The following EXOC1 variants were observed in gnomAD, a reference collection of about 807,000 sequenced individuals.
EXOC1 encodes SEC3-like 1.
EXOC1 carries 67 observed loss-of-function variants against 107.7 expected under a neutral mutation model. The ratio of observed to expected loss-of-function variants is 0.62; its 90% CI spans 0.51 to 0.76. The LOEUF is 0.76. Among genes scored for constraint, EXOC1 ranks in the 30% least tolerant of loss-of-function variants. The probability of loss-of-function intolerance (pLI) is 0.00; values close to 1 mark genes in which losing one functional copy is unlikely to be tolerated. For missense variants in EXOC1, 833 were observed against 1,055.7 expected (o/e 0.79, Z 2.92); for synonymous variants, 348 against 353.5 (o/e 0.98, Z 0.17).
intron 14 of EXOC1, among the ~76,000 whole-genome samples, 184 bp from the exon 15 acceptor site, chr4:55,893,368 C>T (rs1354934350): frequency 6.6e-6 from 1 of 152,150 alleles, no homozygotes; most frequent in African/African-American, 2.4e-5. Context: ...GACCTGCACA[C>T]CTTGGCCTCT....
rs145636368 is a variant in EXOC1 at position 55,875,175 on chromosome 4, A to G, written c.1075-2742A>G. ...AGTTTAGAAATTTTTCTCTCAACAT[A>G]CATATACAGAAACAAGCTATAATAA... On this transcript the variant is annotated intron_variant, in intron 8 of 18. Coordinates refer to ENST00000381295, the MANE Select transcript of EXOC1 (RefSeq NM_001024924.2). 4.0e-3 allele frequency among the ~76,000 whole-genome samples: 606 copies of G among 152,316 alleles called. 5 individuals are homozygous for G. Among genetic ancestry groups the G allele is most frequent in the African/African-American group, 0.014 (581 of 41,574 alleles).
intron 18 of EXOC1, among the ~76,000 whole-genome samples, chr4:55,903,055 G>T (rs976419352): frequency 6.6e-6 from 1 of 150,802 alleles, no homozygotes; most frequent in African/African-American, 2.4e-5. Context: ...GAGGCAGGAG[G>T]ATCACTTGAG....
At chr4:55,876,398 C>G (rs1722896980) in intron 8 of EXOC1, 1 of 750,192 alleles carries the variant, frequency 1.3e-6, no homozygotes, top group South Asian at 6.1e-5. Flanking sequence ...AGTATATATA[C>G]TGTATATTAT....
At chr4:55,888,033 T>C (rs559946476) in intron 10 of EXOC1, among the ~76,000 whole-genome samples, 1 of 152,350 alleles carries the variant, frequency 6.6e-6, no homozygotes, top group South Asian at 2.1e-4. Flanking sequence ...TTTGCTGTTT[T>C]AAAGATATTT....
intron 4 of EXOC1, among the ~76,000 whole-genome samples, chr4:55,865,968 T>C (rs965933902): frequency 4.6e-5 from 7 of 152,194 alleles, no homozygotes; most frequent in Non-Finnish European, 1.0e-4. Context: ...AATCACTTGC[T>C]ATATACGTCA....
At chr4:55,885,775 A>G (rs1723817801) in intron 10 of EXOC1, 2 of 152,208 alleles carry the variant, frequency 1.3e-5, no homozygotes, top group Admixed American at 1.3e-4. Context: ...GGAGAATAAA[A>G]ATTGGTTCAT....
chr4:55,875,675 A>G (rs1722833776), intron 8 of EXOC1: 3 of 985,202 alleles, frequency 3.0e-6, no homozygotes, highest in Non-Finnish European at 3.6e-6. Flanking sequence ...GTTTTGGATA[A>G]CGATACATTG....
intron 11 of EXOC1, 152 bp downstream of exon 11, chr4:55,889,084 A>G (rs995216851): frequency 1.0e-5 from 7 of 679,596 alleles, no homozygotes; most frequent in Non-Finnish European, 2.6e-6. Context: ...TGGTAGTGAT[A>G]TGGCTGTATC....
intron 18 of EXOC1, among the ~76,000 whole-genome samples, chr4:55,902,921 G>T (rs1045223906): frequency 6.6e-6 from 1 of 151,838 alleles, no homozygotes; most frequent in Non-Finnish European, 1.5e-5. Flanking sequence ...AAGTGGAAAC[G>T]ATACATCTCT....
At chr4:55,866,363 G>C (rs1721958498) in intron 4 of EXOC1, among the ~76,000 whole-genome samples, 1 of 151,992 alleles carries the variant, frequency 6.6e-6, no homozygotes, top group Non-Finnish European at 1.5e-5. Context: ...TTTTAAAAAA[G>C]AATCTTTGAC....
At chr4:55,855,684 A>G (rs1277304410) in intron 1 of EXOC1, among the ~76,000 whole-genome samples, 1 of 152,176 alleles carries the variant, frequency 6.6e-6, no homozygotes, top group East Asian at 1.9e-4. Context: ...AAAAGATGAC[A>G]TTTTAGCACA....
chr4:55,871,981 A>G, intron 8 of EXOC1, 23 bp downstream of exon 8: 11 of 1,597,298 alleles, frequency 6.9e-6, no homozygotes, highest in Non-Finnish European at 9.4e-6. Flanking sequence ...TATTATTAAA[A>G]CGAGCATGTT....
intron 8 of EXOC1, among the ~76,000 whole-genome samples, 165 bp downstream of exon 8, chr4:55,872,123 A>G (rs1033662127): frequency 6.6e-6 from 1 of 152,160 alleles, no homozygotes; most frequent in Admixed American, 6.6e-5. Flanking sequence ...TCATAGATGT[A>G]CTTTGGGCCT....
At chr4:55,895,115 C>T (rs1037876136) in intron 15 of EXOC1, among the ~76,000 whole-genome samples, 1 of 151,996 alleles carries the variant, frequency 6.6e-6, no homozygotes, top group Non-Finnish European at 1.5e-5. Flanking sequence ...GTTTCTTCTG[C>T]CTGTCATACT....
At position 55,868,478 on chromosome 4, in the gene EXOC1, A is replaced by G. The variant is rs763222605; in HGVS notation, c.558A>G (p.Glu186=). 3.1e-6 allele frequency: 5 copies of G among 1,613,928 alleles called. No homozygotes were observed. The highest frequency in any genetic ancestry group is 4.2e-6 in the Non-Finnish European group (5 of 1,179,844). ...GTGAATATGCAATCTCGAATGCGGA[A>G]GCCTTTGCAGAAAAATTGTCCAGAG... ...EGCEYAISNA[E]AFAEKLSREL... Residue 186 remains glutamate (E), a synonymous_variant, in exon 5 of 19, where the codon GAA becomes GAG. Coordinates refer to ENST00000381295, the MANE Select transcript of EXOC1 (RefSeq NM_001024924.2).
chr4:55,877,259 T>G (rs759626185), intron 8 of EXOC1: 1 of 985,280 alleles, frequency 1.0e-6, no homozygotes, highest in Admixed American at 6.1e-5. Flanking sequence ...GTAATTTTAA[T>G]ACAGTTTTCA....
intron 4 of EXOC1, among the ~76,000 whole-genome samples, chr4:55,867,256 A>C (rs1370913147): frequency 6.6e-6 from 1 of 152,182 alleles, no homozygotes; most frequent in African/African-American, 2.4e-5. Flanking sequence ...GATCGGTAAT[A>C]TCTCTCTAAA....
intron 18 of EXOC1, among the ~76,000 whole-genome samples, chr4:55,903,581 A>G (rs1158626522): frequency 6.6e-6 from 1 of 152,192 alleles, no homozygotes; most frequent in East Asian, 1.9e-4. Context: ...AAATCTTGGA[A>G]GAATACATTC....
intron 8 of EXOC1, chr4:55,876,855 A>G (rs1381225173): frequency 1.7e-5 from 17 of 985,048 alleles, no homozygotes; most frequent in Non-Finnish European, 1.9e-5. Context: ...ATATTCTCAC[A>G]TGAAGAAAAT....
Sources: allele counts gnomAD v4.1 joint callset (sites outside exome capture counted in the v4.1 genomes callset), GRCh38; gene constraint gnomAD v4.1.1; transcripts MANE v1.5; gene names NCBI Gene and HGNC (gene_info 2026-07-23, HGNC 2026-07-21).